Variants in NIP7 observed in about 807,000 individuals in gnomAD.
NIP7 encodes 60S ribosome subunit biogenesis protein NIP7 homolog.
Under a neutral mutation model 20.1 loss-of-function variants are expected in NIP7, and 12 were observed. The observed-to-expected ratio is 0.60, with a 90% CI of 0.38 to 0.97. NIP7 has a LOEUF of 0.97. NIP7 is among the 50% of genes least tolerant of loss of function. The probability of loss-of-function intolerance (pLI) is 0.00; values close to 1 mark genes in which losing one functional copy is unlikely to be tolerated. For missense variants in NIP7, 226 were observed against 226.6 expected, an observed-to-expected ratio of 1.00 and a Z score of 0.02; for synonymous variants, 103 against 87.2, an observed-to-expected ratio of 1.18 and a Z score of -1.01.
At chr16:69,340,128 G>T in intron 2 of NIP7, 36 bp downstream of exon 2, 2 of 1,612,774 alleles carry the variant, frequency 1.2e-6, no homozygotes, top group Non-Finnish European at 8.5e-7. Flanking sequence ...TGGACCCAGG[G>T]GAGAGGGGTC....
At chr16:69,341,351 C>G (rs368641227) in intron 4 of NIP7, 31 bp downstream of exon 4, 13 of 1,609,796 alleles carry the variant, frequency 8.1e-6, no homozygotes, top group Non-Finnish European at 1.1e-5. Flanking sequence ...TTACAGAACT[C>G]AAGTACTCTT....
intron 3 of NIP7, 196 bp from the exon 4 acceptor site, chr16:69,340,984 A>AT: frequency 3.8e-6 from 2 of 520,022 alleles, no homozygotes; most frequent in South Asian, 4.4e-5. Context: ...AAGTGCTGGG[A>AT]TTACAAGCGT....
Position 69,339,840 on chromosome 16 carries a change from T to C in NIP7, c.11T>C (p.Leu4Ser), listed in dbSNP as rs780236316. MRP[L>S]TEEETRVMFE... ...AACCCAGGGGGAAAAATGCGGCCTT[T>C]GACTGAAGAGGAGACCCGTGTCATG... The change falls in exon 1 of 5, where the codon TTG becomes TCG. Residue 4 changes from leucine to serine, a missense_variant. Transcript: ENST00000254940. 1 of 1,613,196 alleles carries C rather than the reference T, an allele frequency of 6.2e-7. No homozygotes were observed.
rs184910614 is a variant in NIP7, at chr16:69,341,383, A to G, written c.423+63A>G. On this transcript the variant is annotated intron_variant, in intron 4 of 4. Coordinates refer to ENST00000254940, the MANE Select transcript of NIP7 (RefSeq NM_016101.5). ...TCTTATTCAAGAAGGGTATGTCTTC[A>G]ATCTGAGTGCTTGAGAGAATAAATT... 5.0e-6 allele frequency: 8 copies of G among 1,588,392 alleles called. No individual in the cohort carries two copies. The East Asian group carries it at 1.6e-4, about 31-fold the overall frequency.
At position 69,341,221 on chromosome 16, in the gene NIP7, G is replaced by C. The variant is rs761489139; in HGVS notation, c.324G>C (p.Leu108=). Residue 108 remains leucine, a synonymous_variant, in exon 4 of 5, where the codon CTG becomes CTC. Transcript: ENST00000254940. ...WIKPGAEQSF[L]YGNHVLKSGL... Reference sequence around the variant, plus strand: ...AGCCTGGTGCAGAGCAGTCCTTCCTGTATGGGAACCATGTGTTGAAATCTG... The same window carrying C: ...AGCCTGGTGCAGAGCAGTCCTTCCTCTATGGGAACCATGTGTTGAAATCTG... The C allele has an allele frequency of 1.9e-6, 3 of 1,614,106 alleles. No individual in the cohort carries two copies. The highest frequency in any genetic ancestry group is 2.5e-6 in the Non-Finnish European group (3 of 1,179,964).
chr16:69,342,713 G>A lies in NIP7; in HGVS notation c.*1061G>A, dbSNP rs577724705. On this transcript the variant is annotated 3_prime_UTR_variant, in exon 5 of 5. Coordinates refer to ENST00000254940, the MANE Select transcript of NIP7 (RefSeq NM_016101.5). ...CCTGTTATTAAGTGTAGAGTTTTAT[G>A]AGTATAATTTGATTTTATTACCTTC... is the stretch of plus-strand genomic sequence containing the variant. 1.3e-5 allele frequency: 2 copies of A among 152,076 alleles called. No homozygotes were observed. Among genetic ancestry groups the A allele is most frequent in the South Asian group, 4.1e-4 (2 of 4,830 alleles). The allele number at this position is 152,076 out of a possible 1,614,324, so 9.4% of individuals were successfully genotyped here.
Position 69,341,519 on chromosome 16 carries a change from C to T in NIP7, c.424-14C>T. 1 of 1,613,694 alleles carries T rather than the reference C, an allele frequency of 6.2e-7. No individual in the cohort carries two copies. The highest frequency in any genetic ancestry group is 8.5e-7 in the Non-Finnish European group (1 of 1,179,820). On this transcript the variant is annotated splice_polypyrimidine_tract_variant and intron_variant, in intron 4 of 4. Coordinates refer to ENST00000254940, the MANE Select transcript of NIP7 (RefSeq NM_016101.5). ...TGACTTCAGTGAGTTAGTGTCTCTTCTTTTGAATCCCAGGGTTTTGGGGTG... is the reference window on the plus strand; with the variant it reads ...TGACTTCAGTGAGTTAGTGTCTCTTTTTTTGAATCCCAGGGTTTTGGGGTG...
In NIP7 at chr16:69,342,594, T is replaced by G. The variant is rs2012590260; in HGVS notation, c.*942T>G. 6.6e-6 allele frequency: 1 copy of G among 152,192 alleles called. No homozygotes were observed. Among genetic ancestry groups the G allele is most frequent in the East Asian group, 1.9e-4 (1 of 5,196 alleles). 9.4% of individuals were successfully genotyped at this position (152,192 alleles called of 1,614,324 possible). A position where few individuals can be genotyped will look rare whatever the true frequency, so the allele number is the denominator to read the frequency against. On this transcript the variant is annotated 3_prime_UTR_variant, in exon 5 of 5. Coordinates refer to ENST00000254940, the MANE Select transcript of NIP7 (RefSeq NM_016101.5). The stretch of plus-strand genomic sequence containing the variant: ...GGGCGTGACAGAGTGAGACTCCATC[T>G]GATTGTAAAGCATCTAGTACAGTGT...
In NIP7 at chr16:69,340,239, G is replaced by A. The variant is rs918690068; in HGVS notation, c.189G>A (p.Leu63=). 5 of 1,614,178 alleles carry A rather than the reference G, an allele frequency of 3.1e-6. No individual in the cohort carries two copies. Among genetic ancestry groups the A allele is most frequent in the Admixed American group, 3.3e-5 (2 of 60,014 alleles). ...CCGCCAATATTTCCGGGGACAAGCTGGTGTCGCTGGGGACCTGCTTTGGAA... is the reference window on the plus strand; with the variant it reads ...CCGCCAATATTTCCGGGGACAAGCTAGTGTCGCTGGGGACCTGCTTTGGAA... ...KLAANISGDK[L]VSLGTCFGKF... Residue 63 remains leucine (L), a synonymous_variant, in exon 3 of 5, where the codon CTG becomes CTA. Coordinates refer to ENST00000254940, the MANE Select transcript of NIP7 (RefSeq NM_016101.5).
chr16:69,340,125 A>G (rs750273342), intron 2 of NIP7, 33 bp downstream of exon 2: 6 of 1,613,228 alleles, frequency 3.7e-6, no homozygotes. Flanking sequence ...GCATGGACCC[A>G]GGGGAGAGGG....
At chr16:69,340,160 C>G in intron 2 of NIP7, 34 bp from the exon 3 acceptor site, 1 of 1,613,446 alleles carries the variant, frequency 6.2e-7, no homozygotes, top group Non-Finnish European at 8.5e-7. Context: ...GAGCCTCCTT[C>G]ATCCGCAACC....
rs921593693 is a variant in NIP7, at chr16:69,342,069, G to C, written c.*417G>C. 1 of 155,562 alleles carries C rather than the reference G, an allele frequency of 6.4e-6. No individual in the cohort carries two copies. The highest frequency in any genetic ancestry group is 1.4e-5 in the Non-Finnish European group (1 of 70,326). The allele number at this position is 155,562 out of a possible 1,614,324, so 9.6% of individuals were successfully genotyped here. ...AAACCACATGTGGGGTTTTAAAAAT[G>C]AAATTTGGCTAATAGGAGCAATTCA... On this transcript the variant is annotated 3_prime_UTR_variant, in exon 5 of 5. Coordinates refer to ENST00000254940, the MANE Select transcript of NIP7 (RefSeq NM_016101.5).
In NIP7 at chr16:69,342,872, A is replaced by C. The variant is rs2012599333; in HGVS notation, c.*1220A>C. ...ACTTACTTGACTGGATTGGACTAAA[A>C]GCACTGATCAGAGGCCACGACATAA... On this transcript the variant is annotated 3_prime_UTR_variant, in exon 5 of 5. Transcript: ENST00000254940. The C allele has an allele frequency of 6.6e-6, 1 of 152,266 alleles. No homozygotes were observed. The highest frequency in any genetic ancestry group is 6.6e-5 in the Admixed American group (1 of 15,264). 9.4% of individuals were successfully genotyped at this position (152,266 alleles called of 1,614,324 possible).
chr16:69,339,973 G>C (rs1387325324), intron 1 of NIP7, 33 bp from the exon 2 acceptor site: 2 of 1,613,276 alleles, frequency 1.2e-6, no homozygotes, highest in Middle Eastern at 1.7e-4. Context: ...CGGTTCGTTC[G>C]GGCGCGGTCT....
chr16:69,342,943 A>G lies in NIP7; in HGVS notation c.*1291A>G, dbSNP rs1338103113. The stretch of plus-strand genomic sequence containing the variant: ...TCCCCGTGCCTCCCAAAGTTACTTT[A>G]AGATCCTTAGAATATTTCTTTAAAT... On this transcript the variant is annotated 3_prime_UTR_variant, in exon 5 of 5. Transcript: ENST00000254940. 1.3e-5 allele frequency: 2 copies of G among 153,356 alleles called. No homozygotes were observed. The highest frequency in any genetic ancestry group is 2.9e-5 in the Non-Finnish European group (2 of 68,892). The allele number at this position is 153,356 out of a possible 1,614,324, so 9.5% of individuals were successfully genotyped here.
rs775039805 is a variant in NIP7 at position 69,339,998 on chromosome 16, G to T, written c.57-8G>T. On this transcript the variant is annotated splice_polypyrimidine_tract_variant and splice_region_variant and intron_variant, in intron 1 of 4. Coordinates refer to ENST00000254940, the MANE Select transcript of NIP7 (RefSeq NM_016101.5). ...GGGCGCGGTCTCCAGTCCTCTTTTT[G>T]CCCTCAGCATTGGGGAGAATCTTCA... is the stretch of plus-strand genomic sequence containing the variant. 3 of 1,613,634 alleles carry T rather than the reference G, an allele frequency of 1.9e-6. No homozygotes were observed. Among genetic ancestry groups the T allele is most frequent in the South Asian group, 1.1e-5 (1 of 91,074 alleles).
chr16:69,341,004 C>G (rs935127081), intron 3 of NIP7, 176 bp from the exon 4 acceptor site: 6 of 592,516 alleles, frequency 1.0e-5, no homozygotes, highest in Admixed American at 3.2e-5. Flanking sequence ...TGAGCCACTG[C>G]ACCGGGCAAC....
Position 69,341,759 on chromosome 16 carries a change from C to T in NIP7, c.*107C>T. 7.7e-7 allele frequency: 1 copy of T among 1,292,206 alleles called. No homozygotes were observed. Among genetic ancestry groups the T allele is most frequent in the Admixed American group, 2.0e-5 (1 of 49,470 alleles). 80.0% of individuals were successfully genotyped at this position (1,292,206 alleles called of 1,614,324 possible). On this transcript the variant is annotated 3_prime_UTR_variant, in exon 5 of 5. Transcript: ENST00000254940. ...TTGAATTTTGTCAACACTCTGGCCTCTTCAGGGACTTCTTATTTACTGTAC... is the reference window on the plus strand; with the variant it reads ...TTGAATTTTGTCAACACTCTGGCCTTTTCAGGGACTTCTTATTTACTGTAC...
At chr16:69,340,398 A>G in intron 3 of NIP7, 66 bp downstream of exon 3, 1 of 1,575,988 alleles carries the variant, frequency 6.3e-7, no homozygotes, top group Non-Finnish European at 8.6e-7. Context: ...ATTGTCCGGC[A>G]GCTTCTCTCC....
Sources: gnomAD v4.1 joint callset for allele counts on GRCh38, gnomAD v4.1.1 for gene constraint, MANE v1.5 for transcripts, NCBI Gene and HGNC (gene_info 2026-07-23, HGNC 2026-07-21) for gene names.